Variants in CTNNA2 observed in about 807,000 individuals in gnomAD.
CTNNA2 encodes catenin alpha-2.
Under a neutral mutation model 101.0 loss-of-function variants are expected in CTNNA2, and 42 were observed. The observed-to-expected ratio is 0.42, with a 90% CI of 0.32 to 0.54. CTNNA2 has a LOEUF of 0.54. Ranked by LOEUF, CTNNA2 falls within the 20% of genes least tolerant of loss-of-function variation. CTNNA2 has a pLI of 0.14. For synonymous variants in CTNNA2, 450 were observed against 456.4 expected (o/e 0.99, Z 0.18); for missense variants, 871 against 1,223.1 (o/e 0.71, Z 4.29).
At chr2:79,239,099 T>A (rs150125523) in intron 2 of CTNNA2, among the ~76,000 whole-genome samples, 6 of 152,296 alleles carry the variant, frequency 3.9e-5, no homozygotes, top group African/African-American at 1.4e-4. Context: ...GCTATTATTT[T>A]AATGCTTTCC....
chr2:79,499,110 T>C (rs1671290150), intron 4 of CTNNA2: 1 of 152,154 alleles, frequency 6.6e-6, no homozygotes, highest in African/African-American at 2.4e-5. Context: ...ATAAATTACT[T>C]TTCTATAACT....
intron 2 of CTNNA2, among the ~76,000 whole-genome samples, chr2:79,291,874 C>T (rs1675827624): frequency 6.6e-6 from 1 of 152,076 alleles, no homozygotes; most frequent in South Asian, 2.1e-4. Flanking sequence ...TCCATGGTTT[C>T]TATTGCCATG....
intron 7 of CTNNA2, among the ~76,000 whole-genome samples, chr2:80,343,995 G>C (rs1206719772): frequency 6.6e-6 from 1 of 152,086 alleles, no homozygotes; most frequent in South Asian, 2.1e-4. Flanking sequence ...TCCAGTATTT[G>C]TATTCACCCA....
At chr2:80,451,904 G>A (rs899096421) in intron 9 of CTNNA2, among the ~76,000 whole-genome samples, 6 of 152,084 alleles carry the variant, frequency 3.9e-5, no homozygotes, top group Non-Finnish European at 8.8e-5. Context: ...ATTTAAATCA[G>A]CATATACTAG....
chr2:79,374,387 C>G (rs1169051069), intron 4 of CTNNA2, among the ~76,000 whole-genome samples: 2 of 152,166 alleles, frequency 1.3e-5, no homozygotes, highest in Non-Finnish European at 2.9e-5. Context: ...TCATACTTAA[C>G]TTTTGTCATT....
chr2:79,984,475 C>T lies in CTNNA2; in HGVS notation c.1056+74678C>T, dbSNP rs1317343751. On this transcript the variant is annotated intron_variant, in intron 7 of 18. Transcript: ENST00000402739. ...CCCTGATTTTCCACATTTTTCTTTA[C>T]AAGGCATCCTTTTCATCTCCTACAT... Among the ~76,000 whole-genome samples the T allele has an allele frequency of 8.5e-5, 13 of 152,302 alleles. 1 individual carries two copies. The East Asian group carries it at 2.3e-3, about 27-fold the overall frequency.
At chr2:79,688,165 A>G (rs1220239087) in intron 2 of CTNNA2, among the ~76,000 whole-genome samples, 3 of 152,116 alleles carry the variant, frequency 2.0e-5, no homozygotes, top group Non-Finnish European at 2.9e-5. Context: ...CAAATTTTCT[A>G]GAAATATGAA....
chr2:79,816,712 A>G (rs999410598), intron 3 of CTNNA2, among the ~76,000 whole-genome samples: 1 of 152,200 alleles, frequency 6.6e-6, no homozygotes, highest in Non-Finnish European at 1.5e-5. Context: ...CTAGCAATAC[A>G]TGTTAACATT....
At chr2:79,994,253 C>T (rs769878292) in intron 7 of CTNNA2, among the ~76,000 whole-genome samples, 9 of 152,144 alleles carry the variant, frequency 5.9e-5, no homozygotes, top group Non-Finnish European at 1.2e-4. Flanking sequence ...ACCTCATGTT[C>T]CTTAAAACTT....
At chr2:79,451,071 A>G (rs1670742965) in intron 4 of CTNNA2, among the ~76,000 whole-genome samples, 1 of 152,168 alleles carries the variant, frequency 6.6e-6, no homozygotes, top group East Asian at 1.9e-4. Context: ...GTATGTAAAA[A>G]CCCACTCAGA....
intron 9 of CTNNA2, among the ~76,000 whole-genome samples, chr2:80,523,319 A>T (rs906508452): frequency 1.3e-5 from 2 of 152,196 alleles, no homozygotes; most frequent in Non-Finnish European, 2.9e-5. Context: ...GTCCCGGTGC[A>T]TGGAGAGAGG....
chr2:79,602,468 C>G (rs1488517356), intron 1 of CTNNA2, among the ~76,000 whole-genome samples: 1 of 151,988 alleles, frequency 6.6e-6, no homozygotes, highest in Admixed American at 6.6e-5. Flanking sequence ...AAATGATACC[C>G]ATTATCAACT....
At chr2:79,820,296 A>G (rs1677900644) in intron 3 of CTNNA2, among the ~76,000 whole-genome samples, 1 of 152,124 alleles carries the variant, frequency 6.6e-6, no homozygotes, top group South Asian at 2.1e-4. Flanking sequence ...CTCATACGTT[A>G]TTGCATACGT....
In CTNNA2 at chr2:80,169,535, CTT is replaced by C. The variant is rs563345524; in HGVS notation, c.1057-223674_1057-223673del. Among the ~76,000 whole-genome samples, 28 of 152,314 alleles carry C rather than the reference CTT, an allele frequency of 1.8e-4. 1 individual carries two copies. Among genetic ancestry groups the C allele is most frequent in the African/African-American group, 6.0e-4 (25 of 41,572 alleles). The stretch of plus-strand genomic sequence containing the variant: ...TGGTATTTCAGTCCCCATATTGACT[CTT>C]TGCTGAGCTCTGGAAATGTCAGCAT... On this transcript the variant is annotated intron_variant, in intron 7 of 18. Transcript: ENST00000402739.
intron 2 of CTNNA2, among the ~76,000 whole-genome samples, chr2:79,241,090 A>T (rs1674619889): frequency 6.6e-6 from 1 of 152,210 alleles, no homozygotes; most frequent in Admixed American, 6.5e-5. Flanking sequence ...TAGGATTTTA[A>T]AAGTTTCACA....
intron 7 of CTNNA2, among the ~76,000 whole-genome samples, chr2:80,076,503 G>A (rs976962700): frequency 9.2e-5 from 14 of 151,472 alleles, no homozygotes; most frequent in East Asian, 1.9e-4. Flanking sequence ...GGCTGGTCTC[G>A]CATTCCTGGG....
At chr2:80,483,999 A>C (rs1686349229) in intron 9 of CTNNA2, among the ~76,000 whole-genome samples, 1 of 152,080 alleles carries the variant, frequency 6.6e-6, no homozygotes, top group South Asian at 2.1e-4. Context: ...AAAGAATACA[A>C]ATTATTATGA....
chr2:80,036,241 G>A (rs1695639982), intron 7 of CTNNA2, among the ~76,000 whole-genome samples: 1 of 152,180 alleles, frequency 6.6e-6, no homozygotes, highest in South Asian at 2.1e-4. Flanking sequence ...AAGAAAGAGA[G>A]AGTCAGAGAC....
intron 9 of CTNNA2, among the ~76,000 whole-genome samples, chr2:80,479,039 C>A (rs939547609): frequency 2.0e-5 from 3 of 150,724 alleles, no homozygotes; most frequent in African/African-American, 7.3e-5. Context: ...TTTGTGTCAT[C>A]TATAATTTCT....
Sources: allele counts gnomAD v4.1 joint callset (sites outside exome capture counted in the v4.1 genomes callset), GRCh38; gene constraint gnomAD v4.1.1; transcripts MANE v1.5; gene names NCBI Gene and HGNC (gene_info 2026-07-23, HGNC 2026-07-21).